TNIP1: variants seen among roughly 807,000 people sequenced by gnomAD.
The protein encoded by TNIP1 is TNFAIP3-interacting protein 1.
Under a neutral mutation model 86.6 loss-of-function variants are expected in TNIP1, and 22 were observed. The ratio of observed to expected loss-of-function variants is 0.25; its 90% CI spans 0.18 to 0.36. TNIP1 has a LOEUF of 0.36. Ranked by LOEUF, TNIP1 falls within the 10% of genes least tolerant of loss-of-function variation. The probability of loss-of-function intolerance (pLI) is 1.00; values close to 1 mark genes in which losing one functional copy is unlikely to be tolerated. For missense variants in TNIP1, 709 were observed against 820.6 expected, an observed-to-expected ratio of 0.86 and a Z score of 1.66; for synonymous variants, 294 against 313.0, an observed-to-expected ratio of 0.94 and a Z score of 0.64.
intron 1 of TNIP1, among the ~76,000 whole-genome samples, chr5:151,072,389 T>G (rs1051271948): frequency 5.9e-5 from 9 of 152,192 alleles, no homozygotes; most frequent in African/African-American, 2.2e-4. Flanking sequence ...TCAGAGGACA[T>G]TCCATCCTGT....
chr5:151,032,564 A>T lies in TNIP1; in HGVS notation c.1780-181T>A, dbSNP rs751961665. On this transcript the variant is annotated intron_variant, in intron 16 of 17. Transcript: ENST00000521591. Reference sequence around the variant, plus strand: ...GAGGCTCAGAGGGGATAACTTGCTGAAGGTCATCTAGCAAGGAGAATGGCT... The same window carrying T: ...GAGGCTCAGAGGGGATAACTTGCTGTAGGTCATCTAGCAAGGAGAATGGCT... 303 of 644,746 alleles carry T rather than the reference A, an allele frequency of 4.7e-4. 2 individuals carry two copies. Among genetic ancestry groups the T allele is most frequent in the Middle Eastern group, 1.6e-3 (4 of 2,482 alleles). The allele number at this position is 644,746 out of a possible 1,614,324, so 39.9% of individuals were successfully genotyped here.
chr5:151,036,011 GCA>G (rs1757655654), intron 13 of TNIP1, among the ~76,000 whole-genome samples: 1 of 152,236 alleles, frequency 6.6e-6, no homozygotes, highest in African/African-American at 2.4e-5. Flanking sequence ...ACCCACAGGG[GCA>G]GTGATCACAG....
chr5:151,060,043 G>C (rs1018071636), intron 5 of TNIP1, among the ~76,000 whole-genome samples: 3 of 152,196 alleles, frequency 2.0e-5, no homozygotes, highest in Non-Finnish European at 4.4e-5. Flanking sequence ...AGTGTGCGGA[G>C]GTGCCTGGCC....
intron 16 of TNIP1, 128 bp from the exon 17 acceptor site, chr5:151,032,511 G>A: frequency 1.1e-6 from 1 of 936,236 alleles, no homozygotes; most frequent in Non-Finnish European, 1.6e-6. Flanking sequence ...ACCCAGGCTG[G>A]CACTCCCATT....
chr5:151,039,583 CAG>C (rs900441847), intron 11 of TNIP1, among the ~76,000 whole-genome samples: 1 of 152,158 alleles, frequency 6.6e-6, no homozygotes, highest in African/African-American at 2.4e-5. Context: ...GTGAGTCACA[CAG>C]AGACCTCAGG....
intron 6 of TNIP1, among the ~76,000 whole-genome samples, chr5:151,053,101 C>CTTTTTTTTTTTTTTTTTTTT (rs11390788): frequency 3.5e-5 from 3 of 85,208 alleles, no homozygotes; most frequent in African/African-American, 4.7e-5. Flanking sequence ...AACTGTTTCT[C>CTTTTTTTTTTTTTTTTTTTT]TTTTTTTTTT....
intron 5 of TNIP1, among the ~76,000 whole-genome samples, chr5:151,058,753 C>A (rs1016022578): frequency 6.6e-6 from 1 of 152,190 alleles, no homozygotes; most frequent in Admixed American, 6.5e-5. Context: ...AGAGATCAGG[C>A]CGGGAAACCA....
At chr5:151,055,437 C>T (rs1760537460) in intron 6 of TNIP1, among the ~76,000 whole-genome samples, 1 of 152,126 alleles carries the variant, frequency 6.6e-6, no homozygotes, top group Admixed American at 6.5e-5. Flanking sequence ...CCTACCCTGC[C>T]CACAGCCTAG....
At chr5:151,039,560 C>T (rs564087089) in intron 11 of TNIP1, among the ~76,000 whole-genome samples, 8 of 152,298 alleles carry the variant, frequency 5.3e-5, no homozygotes, top group South Asian at 2.1e-4. Context: ...GTCACAGGTA[C>T]GGGGTTCCTA....
Position 151,045,967 on chromosome 5 carries a change from A to G in TNIP1, c.847-17T>C. On this transcript the variant is annotated splice_polypyrimidine_tract_variant and intron_variant, in intron 8 of 17. Coordinates refer to ENST00000521591, the MANE Select transcript of TNIP1 (RefSeq NM_006058.5). Reference sequence around the variant, plus strand: ...CACACTAGCCTGGGGAGAAGCACAGAGGAGCCTTCACCAAAACCTCAATAC... The same window carrying G: ...CACACTAGCCTGGGGAGAAGCACAGGGGAGCCTTCACCAAAACCTCAATAC... The G allele has an allele frequency of 6.2e-7, 1 of 1,612,698 alleles. No individual in the cohort carries two copies. The highest frequency in any genetic ancestry group is 8.5e-7 in the Non-Finnish European group (1 of 1,178,928).
chr5:151,031,788 A>T (rs1756934988), intron 17 of TNIP1, among the ~76,000 whole-genome samples: 1 of 152,002 alleles, frequency 6.6e-6, no homozygotes, highest in South Asian at 2.1e-4. Flanking sequence ...CGGCCTCTGC[A>T]TTTGTCATGT....
rs754175269 is a variant in TNIP1, at chr5:151,033,548, G to A, written c.1779+60C>T. On this transcript the variant is annotated intron_variant, in intron 16 of 17. Coordinates refer to ENST00000521591, the MANE Select transcript of TNIP1 (RefSeq NM_006058.5). ...AACCCCTCACTTAACCTTCCTCTCT[G>A]GAAGGTGTCTGGGGCAGCCTCTGTG... 3.4e-6 allele frequency: 4 copies of A among 1,160,280 alleles called. No individual in the cohort carries two copies. The African/African-American group carries it at 4.7e-5, about 14-fold the overall frequency. 71.9% of individuals were successfully genotyped at this position (1,160,280 alleles called of 1,614,324 possible). A position where few individuals can be genotyped will look rare whatever the true frequency, so the allele number is the denominator to read the frequency against.
chr5:151,081,798 T>TA (rs1307002773), upstream of TNIP1, among the ~76,000 whole-genome samples: 1 of 152,136 alleles, frequency 6.6e-6, no homozygotes, highest in Non-Finnish European at 1.5e-5. Flanking sequence ...CCTACCTACT[T>TA]ATATGTGGGC....
intron 9 of TNIP1, among the ~76,000 whole-genome samples, chr5:151,043,551 A>G (rs1758732946): frequency 6.6e-6 from 1 of 152,190 alleles, no homozygotes; most frequent in Non-Finnish European, 1.5e-5. Context: ...AAGGTGGGCC[A>G]ATTGCTTGAG....
chr5:151,046,112 G>A (rs912595368), intron 8 of TNIP1, 162 bp from the exon 9 acceptor site: 17 of 629,774 alleles, frequency 2.7e-5, no homozygotes, highest in Non-Finnish European at 3.7e-5. Flanking sequence ...TCATGACTAC[G>A]TCCCCTTCTA....
chr5:151,062,012 C>T (rs556806201), intron 4 of TNIP1, 115 bp downstream of exon 4: 230 of 940,666 alleles, frequency 2.4e-4, no homozygotes, highest in South Asian at 3.4e-4. Context: ...TATCACCCAG[C>T]GAGACGGAAC....
chr5:151,062,100 C>A lies in TNIP1; in HGVS notation c.357+27G>T, dbSNP rs368283767. 3 of 1,610,528 alleles carry A rather than the reference C, an allele frequency of 1.9e-6. No individual in the cohort carries two copies. The African/African-American group carries it at 4.0e-5, about 22-fold the overall frequency. On this transcript the variant is annotated intron_variant, in intron 4 of 17. Coordinates refer to ENST00000521591, the MANE Select transcript of TNIP1 (RefSeq NM_006058.5). ...GACTTGAGGTCCATCCAGGCAACCT[C>A]CACCCATGACTCCAAATAAAACTTA...
intron 1 of TNIP1, among the ~76,000 whole-genome samples, chr5:151,066,990 A>G (rs1003016030): frequency 6.6e-6 from 1 of 152,196 alleles, no homozygotes; most frequent in African/African-American, 2.4e-5. Context: ...GCCAGAAAGA[A>G]AAACAAAGTT....
chr5:151,058,541 C>A (rs935396897), intron 5 of TNIP1, among the ~76,000 whole-genome samples: 1 of 152,238 alleles, frequency 6.6e-6, no homozygotes, highest in Admixed American at 6.5e-5. Flanking sequence ...CCATCCACAG[C>A]AGCATCCAGT....
Sources: gnomAD v4.1 joint callset for allele counts (sites outside exome capture counted in the v4.1 genomes callset) on GRCh38, gnomAD v4.1.1 for gene constraint, MANE v1.5 for transcripts, NCBI Gene and HGNC (gene_info 2026-07-23, HGNC 2026-07-21) for gene names.